XPNPEP3: variants seen among roughly 807,000 people sequenced by gnomAD.
XPNPEP3 encodes X-prolyl aminopeptidase 3.
In XPNPEP3, 41 loss-of-function variants were observed where a neutral mutation model predicts 60.0. The observed-to-expected ratio is 0.68, with a 90% CI of 0.53 to 0.89. The LOEUF (loss-of-function observed/expected upper bound fraction) is 0.89. XPNPEP3 is among the 40% of genes least tolerant of loss of function. The probability of loss-of-function intolerance (pLI) is 0.00; values close to 1 mark genes in which losing one functional copy is unlikely to be tolerated. For synonymous variants in XPNPEP3, 212 were observed against 223.2 expected, an observed-to-expected ratio of 0.95 and a Z score of 0.45; for missense variants, 598 against 638.9, an observed-to-expected ratio of 0.94 and a Z score of 0.69.
intron 4 of XPNPEP3, among the ~76,000 whole-genome samples, chr22:40,902,772 GAA>G (rs34008422): frequency 6.6e-6 from 1 of 152,224 alleles, no homozygotes; most frequent in African/African-American, 2.4e-5. Context: ...GTCATTACAG[GAA>G]AAAGGTTTCA....
rs546979058 is a variant in XPNPEP3, at chr22:40,932,666, T to C, written c.*6231T>C. 1 of 152,356 alleles carries C rather than the reference T, an allele frequency of 6.6e-6. No homozygotes were observed. Among genetic ancestry groups the C allele is most frequent in the African/African-American group, 2.4e-5 (1 of 41,590 alleles). The allele number at this position is 152,356 out of a possible 1,614,324, so 9.4% of individuals were successfully genotyped here. A position where few individuals can be genotyped will look rare whatever the true frequency, so the allele number is the denominator to read the frequency against. On this transcript the variant is annotated 3_prime_UTR_variant, in exon 10 of 10. Coordinates refer to ENST00000357137, the MANE Select transcript of XPNPEP3 (RefSeq NM_022098.4). ...TACCAGCATTTCTTAATGCTTTCCATGACTTTTGTGCAATTATATAAGTTC... is the reference window on the plus strand; with the variant it reads ...TACCAGCATTTCTTAATGCTTTCCACGACTTTTGTGCAATTATATAAGTTC...
At chr22:40,861,666 TGAAAA>T in intron 1 of XPNPEP3, 1 of 1,614,126 alleles carries the variant, frequency 6.2e-7, no homozygotes, top group Non-Finnish European at 8.5e-7. Flanking sequence ...TTCAAAGAAG[TGAAAA>T]GAAAATGGAT....
rs773691988 is a variant in XPNPEP3 at position 40,882,129 on chromosome 22, G to A, written c.541G>A (p.Glu181Lys). 15 of 1,614,022 alleles carry A rather than the reference G, an allele frequency of 9.3e-6. No homozygotes were observed. Among genetic ancestry groups the A allele is most frequent in the Non-Finnish European group, 1.3e-5 (15 of 1,180,016 alleles). The change falls in exon 3 of 10, where the codon GAA becomes AAA. Residue 181 changes from glutamate (E) to lysine (K), a missense_variant. Transcript: ENST00000357137. ...DGAIALTGVD[E>K]AYTLEEFQHL... ...AGCAATAGCTCTAACTGGAGTAGAC[G>A]AAGCCTATACGCTAGAAGAATTTCA...
At chr22:40,894,543 G>A (rs1216503581) in intron 4 of XPNPEP3, among the ~76,000 whole-genome samples, 1 of 152,158 alleles carries the variant, frequency 6.6e-6, no homozygotes, top group Non-Finnish European at 1.5e-5. Flanking sequence ...TCTAATCATA[G>A]GGAGATAAAT....
At chr22:40,907,422 AAAAAAAAAC>A (rs1023316294) in intron 4 of XPNPEP3, among the ~76,000 whole-genome samples, 156 bp from the exon 5 acceptor site, 15 of 151,890 alleles carry the variant, frequency 9.9e-5, no homozygotes, top group African/African-American at 3.6e-4. Context: ...CTCCGTCTCA[AAAAAAAAAC>A]AAAAAAAACT....
At position 40,930,503 on chromosome 22, in the gene XPNPEP3, TGATCA is replaced by T. The variant is rs2058251055; in HGVS notation, c.*4076_*4080del. The T allele has an allele frequency of 6.6e-6, 1 of 152,116 alleles. No homozygotes were observed. The highest frequency in any genetic ancestry group is 2.4e-5 in the African/African-American group (1 of 41,426). The allele number at this position is 152,116 out of a possible 1,614,324, so 9.4% of individuals were successfully genotyped here. A position where few individuals can be genotyped will look rare whatever the true frequency, so the allele number is the denominator to read the frequency against. On this transcript the variant is annotated 3_prime_UTR_variant, in exon 10 of 10. Coordinates refer to ENST00000357137, the MANE Select transcript of XPNPEP3 (RefSeq NM_022098.4). ...TAATGATGTTTTGATACATATATAA[TGATCA>T]GATCAGAACAATTAGCATATCCATC...
chr22:40,880,763 C>G (rs993029169), intron 2 of XPNPEP3, among the ~76,000 whole-genome samples: 16 of 147,222 alleles, frequency 1.1e-4, no homozygotes, highest in Non-Finnish European at 4.5e-5. Flanking sequence ...GCACTTCAGC[C>G]TGGGAGATAG....
intron 1 of XPNPEP3, chr22:40,862,198 C>T (rs1377588213): frequency 4.4e-6 from 6 of 1,367,158 alleles, no homozygotes; most frequent in Non-Finnish European, 5.7e-6. Flanking sequence ...GAGAGGGCTG[C>T]ATTATGGTGT....
At chr22:40,907,479 C>T (rs1001194946) in intron 4 of XPNPEP3, 108 bp from the exon 5 acceptor site, 44 of 1,189,116 alleles carry the variant, frequency 3.7e-5, no homozygotes, top group Admixed American at 2.1e-4. Flanking sequence ...TTCAGGCTGA[C>T]GAAATTGTGG....
At chr22:40,857,564 A>C (rs1378392383) in intron 1 of XPNPEP3, among the ~76,000 whole-genome samples, 3 of 152,282 alleles carry the variant, frequency 2.0e-5, no homozygotes, top group Non-Finnish European at 4.4e-5. Flanking sequence ...AGTGTCTCAC[A>C]TCAAGTAGCT....
chr22:40,865,698 CG>C (rs958589706), intron 1 of XPNPEP3, among the ~76,000 whole-genome samples: 3 of 18,254 alleles, frequency 1.6e-4, no homozygotes, highest in Non-Finnish European at 3.2e-4. Context: ...TTGTGGGGGG[CG>C]GGGGGGCAGC....
chr22:40,859,713 T>G (rs2057930016), intron 1 of XPNPEP3: 1 of 152,234 alleles, frequency 6.6e-6, no homozygotes, highest in East Asian at 1.9e-4. Context: ...AGCTGTCTTT[T>G]AAAAATAGCA....
chr22:40,861,445 AGTT>A (rs1326419864), intron 1 of XPNPEP3: 1 of 1,614,164 alleles, frequency 6.2e-7, no homozygotes, highest in African/African-American at 1.3e-5. Context: ...ACAGATATGT[AGTT>A]GTCCATCCCA....
chr22:40,885,216 C>G (rs1259133443), intron 3 of XPNPEP3, among the ~76,000 whole-genome samples: 7 of 152,116 alleles, frequency 4.6e-5, no homozygotes, highest in Non-Finnish European at 8.8e-5. Context: ...TTTTTCCCCT[C>G]TACTTTCCCC....
rs117179818 is a variant in XPNPEP3, at chr22:40,886,902, A to G, written c.792+387A>G. On this transcript the variant is annotated intron_variant, in intron 4 of 9. Coordinates refer to ENST00000357137, the MANE Select transcript of XPNPEP3 (RefSeq NM_022098.4). Reference sequence around the variant, plus strand: ...AAAAATCGTAAGCTCTTGAGGTCGTATACCCAATGCAGCAGTCTCCTCACC... The same window carrying G: ...AAAAATCGTAAGCTCTTGAGGTCGTGTACCCAATGCAGCAGTCTCCTCACC... 9.2e-3 allele frequency among the ~76,000 whole-genome samples: 1,404 copies of G among 152,032 alleles called. 20 individuals carry two copies. Among genetic ancestry groups the G allele is most frequent in the Non-Finnish European group, 9.1e-3 (618 of 67,976 alleles).
chr22:40,884,545 G>T (rs2058061112), intron 3 of XPNPEP3, among the ~76,000 whole-genome samples: 1 of 150,998 alleles, frequency 6.6e-6, no homozygotes, highest in African/African-American at 2.4e-5. Context: ...TGTTAGTCAG[G>T]CTGGTCTCGA....
chr22:40,860,981 T>C (rs2057940659), intron 1 of XPNPEP3: 2 of 1,285,966 alleles, frequency 1.6e-6, no homozygotes, highest in Admixed American at 2.4e-5. Flanking sequence ...GCTCTTAGTA[T>C]AGTATTAAGT....
intron 2 of XPNPEP3, chr22:40,870,078 A>G (rs1190863074): frequency 4.2e-6 from 2 of 471,066 alleles, no homozygotes. Flanking sequence ...GTCGGCTGAA[A>G]CTAAGGAAAT....
At chr22:40,857,284 C>G (rs772459910) in intron 1 of XPNPEP3, 39 bp downstream of exon 1, 5 of 1,610,966 alleles carry the variant, frequency 3.1e-6, no homozygotes, top group Non-Finnish European at 4.2e-6. Context: ...CATGGTGTCC[C>G]CTGGAGGGAC....
Sources: gnomAD v4.1 joint callset for allele counts (sites outside exome capture counted in the v4.1 genomes callset) on GRCh38, gnomAD v4.1.1 for gene constraint, MANE v1.5 for transcripts, NCBI Gene and HGNC (gene_info 2026-07-23, HGNC 2026-07-21) for gene names.